SLC35A5: variants seen among roughly 807,000 people sequenced by gnomAD.
The protein encoded by SLC35A5 is solute carrier family 35 member A5, also known as UDP-sugar transporter protein SLC35A5.
In SLC35A5, 28 loss-of-function variants were observed where a neutral mutation model predicts 36.3. The observed-to-expected ratio is 0.77, with a 90% CI of 0.57 to 1.06. SLC35A5 has a LOEUF of 1.06. Ranked by LOEUF, SLC35A5 falls within the 50% of genes least tolerant of loss-of-function variation. SLC35A5 has a pLI of 0.00. For missense variants in SLC35A5, 521 were observed against 499.3 expected (o/e 1.04, Z -0.41); for synonymous variants, 180 against 173.7 (o/e 1.04, Z -0.29).
At chr3:112,569,568 A>G (rs897728903) in intron 3 of SLC35A5, among the ~76,000 whole-genome samples, 1 of 152,166 alleles carries the variant, frequency 6.6e-6, no homozygotes. Flanking sequence ...TTTTTATTCA[A>G]ATTAAAGATT....
rs1934578683 is a variant in SLC35A5 at position 112,574,338 on chromosome 3, A to T, written c.428+382A>T. 2.0e-5 allele frequency among the ~76,000 whole-genome samples: 3 copies of T among 152,200 alleles called. No homozygotes were observed. The South Asian group carries it at 6.2e-4, about 32-fold the overall frequency. ...TATATTTGTAATTTGTAGTTTGGAG[A>T]TGATAGATAATGGCCAATTTTTTAT... On this transcript the variant is annotated intron_variant, in intron 5 of 6. Coordinates refer to ENST00000492406, the MANE Select transcript of SLC35A5 (RefSeq NM_017945.5).
At chr3:112,575,801 C>T (rs1338229838) in intron 5 of SLC35A5, among the ~76,000 whole-genome samples, 2 of 149,256 alleles carry the variant, frequency 1.3e-5, no homozygotes, top group African/African-American at 4.9e-5. Context: ...ACTCTGTCAC[C>T]CAGGCTGGAG....
Position 112,581,343 on chromosome 3 carries a change from G to A in SLC35A5, c.1209+17G>A. The A allele has an allele frequency of 6.4e-7, 1 of 1,558,796 alleles. No individual in the cohort carries two copies. Among genetic ancestry groups the A allele is most frequent in the African/African-American group, 1.4e-5 (1 of 72,440 alleles). Reference sequence around the variant, plus strand: ...TCCAGTGGGGTAAGTTTGTGAGGGTGTTCCTTTTTGCTTGTTCTTCCCAAA... The same window carrying A: ...TCCAGTGGGGTAAGTTTGTGAGGGTATTCCTTTTTGCTTGTTCTTCCCAAA... On this transcript the variant is annotated intron_variant, in intron 6 of 6. Transcript: ENST00000492406.
chr3:112,561,805 G>A (rs1005557356), upstream of SLC35A5: 18 of 452,472 alleles, frequency 4.0e-5, no homozygotes, highest in South Asian at 1.3e-4. Flanking sequence ...GGGCAGCGGG[G>A]CCGAAGGGAG....
chr3:112,565,285 A>G (rs1238830045), intron 2 of SLC35A5, among the ~76,000 whole-genome samples: 2 of 152,220 alleles, frequency 1.3e-5, no homozygotes, highest in African/African-American at 4.8e-5. Flanking sequence ...ATAAAGTTAT[A>G]TATTCTGTTT....
At position 112,584,340 on chromosome 3, in the gene SLC35A5, G is replaced by A. The variant is rs993558640; in HGVS notation, c.*1604G>A. 2 of 152,046 alleles carry A rather than the reference G, an allele frequency of 1.3e-5. No homozygotes were observed. Among genetic ancestry groups the A allele is most frequent in the African/African-American group, 2.4e-5 (1 of 41,384 alleles). The allele number at this position is 152,046 out of a possible 1,614,324, so 9.4% of individuals were successfully genotyped here. ...ATACGAAGATTATATCTATTATGGC[G>A]ATTTATTTTAAAGGTAAGGGAAATG... is the stretch of plus-strand genomic sequence containing the variant. On this transcript the variant is annotated 3_prime_UTR_variant, in exon 7 of 7. Transcript: ENST00000492406.
chr3:112,570,407 G>C (rs576768513), intron 3 of SLC35A5, 133 bp from the exon 4 acceptor site: 2 of 945,724 alleles, frequency 2.1e-6, no homozygotes, highest in East Asian at 2.8e-5. Context: ...GGGTTGAAGA[G>C]AGACAGTAAT....
chr3:112,561,721 G>A, upstream of SLC35A5: 1 of 591,804 alleles, frequency 1.7e-6, no homozygotes, highest in Non-Finnish European at 2.9e-6. Flanking sequence ...AGCGCGCGAA[G>A]ACGGGGTGCG....
intron 6 of SLC35A5, 100 bp from the exon 7 acceptor site, chr3:112,582,571 C>A: frequency 1.3e-6 from 1 of 749,970 alleles, no homozygotes; most frequent in Non-Finnish European, 2.3e-6. Flanking sequence ...ATATCTATAG[C>A]TTAATGAGGT....
In SLC35A5 at chr3:112,582,826, A is replaced by G; in HGVS notation, c.*90A>G. The G allele has an allele frequency of 1.8e-6, 2 of 1,093,940 alleles. No individual in the cohort carries two copies. The highest frequency in any genetic ancestry group is 2.7e-6 in the Non-Finnish European group (2 of 730,462). 67.8% of individuals were successfully genotyped at this position (1,093,940 alleles called of 1,614,324 possible). A position where few individuals can be genotyped will look rare whatever the true frequency, so the allele number is the denominator to read the frequency against. On this transcript the variant is annotated 3_prime_UTR_variant, in exon 7 of 7. Coordinates refer to ENST00000492406, the MANE Select transcript of SLC35A5 (RefSeq NM_017945.5). ...TTATCTTTTCACTTTGATAAACCAG[A>G]AATGTTTCTAAATCCTAATATTCTT...
intron 4 of SLC35A5, among the ~76,000 whole-genome samples, chr3:112,572,031 T>G (rs942191111): frequency 7.2e-6 from 1 of 139,402 alleles, no homozygotes; most frequent in African/African-American, 2.7e-5. Context: ...CAAGCTCCGC[T>G]TCCCGGGTTC....
chr3:112,577,064 A>C (rs1934706200), intron 5 of SLC35A5, among the ~76,000 whole-genome samples: 1 of 20,102 alleles, frequency 5.0e-5, no homozygotes, highest in African/African-American at 5.7e-5. Flanking sequence ...AAAATAAAAT[A>C]GAATAATTTT....
rs1356081129 is a variant in SLC35A5 at position 112,563,532 on chromosome 3, AG to A, written c.130+1del. ...ILLVKYSANEENKYDYLPTTV... is the reference protein window; with the variant it reads ...ILLVKYSANEXNKYDYLPTTV... The stretch of plus-strand genomic sequence containing the variant: ...TACTAGTGAAGTATTCTGCCAATGA[AG>A]GTAAGTTAAGACTTGGTATATGCAT... On this transcript the variant is annotated frameshift_variant and splice_region_variant, in exon 2 of 7. Coordinates refer to ENST00000492406, the MANE Select transcript of SLC35A5 (RefSeq NM_017945.5). LOFTEE classifies it high-confidence loss of function. 6.3e-7 allele frequency: 1 copy of A among 1,597,910 alleles called. No individual in the cohort carries two copies. The highest frequency in any genetic ancestry group is 1.3e-5 in the African/African-American group (1 of 74,720).
rs1935074551 is a variant in SLC35A5 at position 112,584,598 on chromosome 3, C to T, written c.*1862C>T. 6.6e-6 allele frequency: 1 copy of T among 152,126 alleles called. No individual in the cohort carries two copies. The highest frequency in any genetic ancestry group is 1.5e-5 in the Non-Finnish European group (1 of 68,022). 9.4% of individuals were successfully genotyped at this position (152,126 alleles called of 1,614,324 possible). A position where few individuals can be genotyped will look rare whatever the true frequency, so the allele number is the denominator to read the frequency against. Reference sequence around the variant, plus strand: ...TAAGTTTACTTATGTTAACTTGCCACTTAATGAGAGAGGAAGAGAAAGAGT... The same window carrying T: ...TAAGTTTACTTATGTTAACTTGCCATTTAATGAGAGAGGAAGAGAAAGAGT... On this transcript the variant is annotated 3_prime_UTR_variant, in exon 7 of 7. Coordinates refer to ENST00000492406, the MANE Select transcript of SLC35A5 (RefSeq NM_017945.5).
chr3:112,571,399 GT>G (rs1456555868), intron 4 of SLC35A5, among the ~76,000 whole-genome samples: 4 of 152,090 alleles, frequency 2.6e-5, no homozygotes, highest in Non-Finnish European at 5.9e-5. Context: ...GCCAAAATGT[GT>G]TTTAAATTTC....
In SLC35A5 at chr3:112,581,128, G is replaced by C. The variant is rs377032026; in HGVS notation, c.1011G>C (p.Gln337His). ...LDNMFHVLMA[Q>H]VTTVIITTVS... is the part of the protein sequence containing the mutation. Reference sequence around the variant, plus strand: ...ACATGTTCCATGTCTTGATGGCCCAGGTTACCACTGTCATTATCACAACAG... The same window carrying C: ...ACATGTTCCATGTCTTGATGGCCCACGTTACCACTGTCATTATCACAACAG... The change falls in exon 6 of 7, where the codon CAG (glutamine) becomes CAC (histidine). Residue 337 changes from glutamine to histidine, a missense_variant. Coordinates refer to ENST00000492406, the MANE Select transcript of SLC35A5 (RefSeq NM_017945.5). 69 of 1,613,894 alleles carry C rather than the reference G, an allele frequency of 4.3e-5. No homozygotes were observed. The highest frequency in any genetic ancestry group is 5.8e-5 in the Non-Finnish European group (68 of 1,179,954).
intron 5 of SLC35A5, among the ~76,000 whole-genome samples, chr3:112,580,281 G>A (rs527480529): frequency 3.9e-5 from 6 of 152,286 alleles, no homozygotes; most frequent in Admixed American, 1.3e-4. Context: ...AGGAGGCCAT[G>A]TTAAACTTGT....
At chr3:112,566,934 T>C (rs1465456711) in intron 2 of SLC35A5, among the ~76,000 whole-genome samples, 1 of 152,052 alleles carries the variant, frequency 6.6e-6, no homozygotes, top group African/African-American at 2.4e-5. Flanking sequence ...GAGAGGAAGA[T>C]AAAAAAGATA....
chr3:112,576,378 G>C (rs1934679454), intron 5 of SLC35A5, among the ~76,000 whole-genome samples: 3 of 132,630 alleles, frequency 2.3e-5, no homozygotes, highest in African/African-American at 8.8e-5. Context: ...ACCTGCCTTG[G>C]CCTCTCAAAG....
Sources: gnomAD v4.1 joint callset for allele counts (sites outside exome capture counted in the v4.1 genomes callset) on GRCh38, gnomAD v4.1.1 for gene constraint, MANE v1.5 for transcripts, NCBI Gene and HGNC (gene_info 2026-07-23, HGNC 2026-07-21) for gene names.